Variants in SLC5A10 observed in about 807,000 individuals in gnomAD.
The protein encoded by SLC5A10 is solute carrier family 5 member 10.
Under a neutral mutation model 68.9 loss-of-function variants are expected in SLC5A10, and 55 were observed. The observed-to-expected ratio is 0.80, with a 90% CI of 0.64 to 1.00. The LOEUF is 1.00. SLC5A10 is among the 50% of genes least tolerant of loss of function. The pLI is 0.00. For missense variants in SLC5A10, 732 were observed against 819.3 expected (o/e 0.89, Z 1.30); for synonymous variants, 344 against 344.8 (o/e 1.00, Z 0.02).
Position 19,014,968 on chromosome 17 carries a change from A to T in SLC5A10, c.1091-81A>T, listed in dbSNP as rs1305543294. On this transcript the variant is annotated intron_variant, in intron 10 of 14. Coordinates refer to ENST00000395645, the MANE Select transcript of SLC5A10 (RefSeq NM_001042450.4). Reference sequence around the variant, plus strand: ...AGCATGCAAATGGCGGGCGGGCCTCAGGCATTAGAGCCCAGGCGGGAGGGG... The same window carrying T: ...AGCATGCAAATGGCGGGCGGGCCTCTGGCATTAGAGCCCAGGCGGGAGGGG... The T allele has an allele frequency of 7.9e-6, 12 of 1,512,390 alleles. No homozygotes were observed. The Admixed American group carries it at 2.3e-4, about 29-fold the overall frequency. The allele number at this position is 1,512,390 out of a possible 1,614,324, so 93.7% of individuals were successfully genotyped here.
In SLC5A10 at chr17:18,971,627, C is replaced by T. The variant is rs951624236; in HGVS notation, c.846+409C>T. The stretch of plus-strand genomic sequence containing the variant: ...GTGGTGGGGGCCAGCCATGGCTGGG[C>T]CAGCGTTTCTGGTAGAGCTCTGGAC... On this transcript the variant is annotated intron_variant, in intron 8 of 14. Transcript: ENST00000395645. The surrounding 1 kb of genome is among the most constrained non-coding windows in gnomAD (Gnocchi z 5.5). The T allele has an allele frequency of 6.2e-7, 1 of 1,613,436 alleles. No individual in the cohort carries two copies. Among genetic ancestry groups the T allele is most frequent in the South Asian group, 1.1e-5 (1 of 91,076 alleles).
intron 9 of SLC5A10, chr17:18,979,489 G>A: frequency 6.3e-7 from 1 of 1,595,416 alleles, no homozygotes; most frequent in Non-Finnish European, 8.6e-7. Context: ...ATTAAGGGCA[G>A]AAGCCAGTTG....
chr17:18,977,033 A>G, intron 9 of SLC5A10, 44 bp downstream of exon 9: 1 of 1,604,714 alleles, frequency 6.2e-7, no homozygotes, highest in South Asian at 1.1e-5. Flanking sequence ...CAGGGCACCC[A>G]GGGTTCTGGG....
rs2042853082 is a variant in SLC5A10 at position 18,971,526 on chromosome 17, G to T, written c.846+308G>T. On this transcript the variant is annotated intron_variant, in intron 8 of 14. Coordinates refer to ENST00000395645, the MANE Select transcript of SLC5A10 (RefSeq NM_001042450.4). The surrounding 1 kb of genome is among the most constrained non-coding windows in gnomAD (Gnocchi z 5.5). ...TCGGTGGCCCTGCCATCGGTCATGG[G>T]GCGGGCATTTTGGGCCAGTCTTGGG... is the stretch of plus-strand genomic sequence containing the variant. 6.2e-7 allele frequency: 1 copy of T among 1,613,932 alleles called. No individual in the cohort carries two copies. The highest frequency in any genetic ancestry group is 1.1e-5 in the South Asian group (1 of 91,086).
intron 9 of SLC5A10, 52 bp downstream of exon 9, chr17:18,977,041 G>A (rs746157510): frequency 6.2e-7 from 1 of 1,601,078 alleles, no homozygotes; most frequent in South Asian, 1.1e-5. Flanking sequence ...CCAGGGTTCT[G>A]GGACCTTGTC....
At chr17:18,967,444 G>A (rs906040909) in intron 5 of SLC5A10, among the ~76,000 whole-genome samples, 1 of 152,368 alleles carries the variant, frequency 6.6e-6, no homozygotes. Context: ...AGAAGCAGAG[G>A]CTGGGATGTT....
chr17:18,976,819 G>C, intron 8 of SLC5A10, 35 bp from the exon 9 acceptor site: 3 of 1,609,864 alleles, frequency 1.9e-6, no homozygotes, highest in Non-Finnish European at 2.5e-6. Context: ...TGTCCCTCAG[G>C]CTTGGACTCA....
At chr17:19,011,603 G>C (rs903117814) in intron 9 of SLC5A10, among the ~76,000 whole-genome samples, 1 of 152,076 alleles carries the variant, frequency 6.6e-6, no homozygotes, top group South Asian at 2.1e-4. Context: ...CAGGAGGCTG[G>C]GGAGGAGCAT....
chr17:18,978,396 C>T (rs772813154), intron 9 of SLC5A10: 18 of 1,589,818 alleles, frequency 1.1e-5, no homozygotes, highest in East Asian at 2.3e-5. Context: ...CCCAGGATGT[C>T]GCTGCCAGGC....
intron 4 of SLC5A10, among the ~76,000 whole-genome samples, chr17:18,960,155 GTC>G (rs2151993510): frequency 6.6e-6 from 1 of 152,330 alleles, no homozygotes; most frequent in East Asian, 1.9e-4. Context: ...CTTCCTGGAT[GTC>G]TCTCAGCCTG....
intron 1 of SLC5A10, among the ~76,000 whole-genome samples, chr17:18,955,386 G>A (rs2042477786): frequency 2.0e-5 from 3 of 152,184 alleles, no homozygotes; most frequent in Admixed American, 2.0e-4. Context: ...TGGTAACATG[G>A]CACCTGCTTC....
At chr17:18,991,912 CCAGGGTGTGGGAGGATGGCCCAAGATGG>C (rs1165544034) in intron 9 of SLC5A10, among the ~76,000 whole-genome samples, 4 of 152,124 alleles carry the variant, frequency 2.6e-5, no homozygotes, top group Non-Finnish European at 5.9e-5. Flanking sequence ...CTGACTCCTG[CCAGGGTGTGGGAGGATGGCCCAAGATGG>C]CAGGGTGTGG....
chr17:18,963,240 C>G (rs1261933999), intron 5 of SLC5A10, among the ~76,000 whole-genome samples: 1 of 152,158 alleles, frequency 6.6e-6, no homozygotes, highest in East Asian at 1.9e-4. Context: ...CAATCTTGTC[C>G]AGCTCTCCGA....
At chr17:18,969,828 G>A (rs1383592975) in intron 7 of SLC5A10, 1 of 177,310 alleles carries the variant, frequency 5.6e-6, no homozygotes, top group Non-Finnish European at 1.2e-5. Context: ...ATGCCAAGAG[G>A]TGATGCTACC....
chr17:18,999,389 T>C (rs1050276924), intron 9 of SLC5A10, among the ~76,000 whole-genome samples: 1 of 152,186 alleles, frequency 6.6e-6, no homozygotes, highest in African/African-American at 2.4e-5. Context: ...ACAGTGCCAC[T>C]GCTTCTCCAG....
rs1378649773 is a variant in SLC5A10 at position 19,017,283 on chromosome 17, GCACT to G, written c.1241+2085_1241+2088del. 41 of 1,551,870 alleles carry G rather than the reference GCACT, an allele frequency of 2.6e-5. No individual in the cohort carries two copies. The highest frequency in any genetic ancestry group is 3.5e-5 in the Non-Finnish European group (40 of 1,146,982). On this transcript the variant is annotated intron_variant, in intron 11 of 14. Transcript: ENST00000395645. This position sits in a 1 kb window ranked among gnomAD's most constrained non-coding sequence, Gnocchi z 5.6. ...AGCTCAACTTCCCGTCCCTCTTACAGCACTGGGATACCCTCAACACCCCCAGCCC... is the reference window on the plus strand; with the variant it reads ...AGCTCAACTTCCCGTCCCTCTTACAGGGGATACCCTCAACACCCCCAGCCC...
Position 19,004,133 on chromosome 17 carries a change from C to A in SLC5A10, c.983-9277C>A, listed in dbSNP as rs2043813786. 2 of 1,277,732 alleles carry A rather than the reference C, an allele frequency of 1.6e-6. No individual in the cohort carries two copies. The highest frequency in any genetic ancestry group is 4.9e-5 in the Admixed American group (2 of 40,970). The allele number at this position is 1,277,732 out of a possible 1,614,324, so 79.1% of individuals were successfully genotyped here. A position where few individuals can be genotyped will look rare whatever the true frequency, so the allele number is the denominator to read the frequency against. On this transcript the variant is annotated intron_variant, in intron 9 of 14. Transcript: ENST00000395645. The surrounding 1 kb of genome is among the most constrained non-coding windows in gnomAD (Gnocchi z 5.4). ...AGCTGGGGCACCGCGCGCTCGGGGGCCTCTCCGCGGCCTCTGCTTCTCTGC... is the reference window on the plus strand; with the variant it reads ...AGCTGGGGCACCGCGCGCTCGGGGGACTCTCCGCGGCCTCTGCTTCTCTGC...
At chr17:18,976,757 C>T (rs2042989531) in intron 8 of SLC5A10, 97 bp from the exon 9 acceptor site, 7 of 1,485,130 alleles carry the variant, frequency 4.7e-6, no homozygotes, top group Non-Finnish European at 6.4e-6. Flanking sequence ...GGGACATCAT[C>T]GTGCCTCATG....
At position 19,003,561 on chromosome 17, in the gene SLC5A10, T is replaced by A. The variant is rs780598860; in HGVS notation, c.983-9849T>A. The stretch of plus-strand genomic sequence containing the variant: ...ATCATCTTCCGCACCACCTCTTTGA[T>A]GTGGGCCTGCCCGTCTATGGGGGGC... On this transcript the variant is annotated intron_variant, in intron 9 of 14. Coordinates refer to ENST00000395645, the MANE Select transcript of SLC5A10 (RefSeq NM_001042450.4). The surrounding 1 kb of genome is among the most constrained non-coding windows in gnomAD (Gnocchi z 4.5). 6.4e-7 allele frequency: 1 copy of A among 1,568,494 alleles called. No individual in the cohort carries two copies. The highest frequency in any genetic ancestry group is 8.6e-7 in the Non-Finnish European group (1 of 1,156,888).
Sources: allele counts gnomAD v4.1 joint callset (sites outside exome capture counted in the v4.1 genomes callset), GRCh38; gene constraint gnomAD v4.1.1; non-coding constraint Gnocchi (gnomAD v3.1); transcripts MANE v1.5; gene names NCBI Gene and HGNC (gene_info 2026-07-23, HGNC 2026-07-21).